INTS7: variants seen among roughly 807,000 people sequenced by gnomAD.
The protein encoded by INTS7 is integrator complex subunit 7.
In INTS7, 46 loss-of-function variants were observed where a neutral mutation model predicts 109.2. That is an observed-to-expected ratio of 0.42 (90% CI 0.33 to 0.54). The LOEUF is 0.54. Among genes scored for constraint, INTS7 ranks in the 20% least tolerant of loss-of-function variants. INTS7 has a pLI of 0.07. For synonymous variants in INTS7, 412 were observed against 402.9 expected, an observed-to-expected ratio of 1.02 and a Z score of -0.27; for missense variants, 929 against 1,132.4, an observed-to-expected ratio of 0.82 and a Z score of 2.58.
intron 8 of INTS7, among the ~76,000 whole-genome samples, chr1:211,984,762 A>G (rs1203234946): frequency 6.6e-6 from 1 of 152,142 alleles, no homozygotes; most frequent in African/African-American, 2.4e-5. Context: ...TAAATTTACA[A>G]GCACATTTAT....
chr1:212,013,653 ATGG>A (rs1666261947), intron 4 of INTS7, among the ~76,000 whole-genome samples: 1 of 152,198 alleles, frequency 6.6e-6, no homozygotes, highest in African/African-American at 2.4e-5. Context: ...AGCTCCATTC[ATGG>A]TAAGTGCCCT....
intron 1 of INTS7, among the ~76,000 whole-genome samples, chr1:212,028,135 G>T (rs77751131): frequency 0.033 from 5,032 of 152,210 alleles, 275 homozygotes; most frequent in African/African-American, 0.11. Flanking sequence ...CCAGCACCTA[G>T]ATTCTCAAGT....
Position 211,942,947 on chromosome 1 carries a change from T to A in INTS7, c.2602-836A>T, listed in dbSNP as rs988761505. ...TGCGTGTTTCTGTGGTGTAATTAAT[T>A]ATATAAATGTGCCCTGCAGCTTTGT... is the stretch of plus-strand genomic sequence containing the variant. On this transcript the variant is annotated intron_variant, in intron 19 of 19. Coordinates refer to ENST00000366994, the MANE Select transcript of INTS7 (RefSeq NM_015434.4). This position sits in a 1 kb window ranked among gnomAD's most constrained non-coding sequence, Gnocchi z 4.2. Among the ~76,000 whole-genome samples, 5 of 152,278 alleles carry A rather than the reference T, an allele frequency of 3.3e-5. No homozygotes were observed. Among genetic ancestry groups the A allele is most frequent in the Non-Finnish European group, 7.4e-5 (5 of 68,020 alleles).
chr1:211,953,628 C>A (rs1294585738), intron 16 of INTS7, among the ~76,000 whole-genome samples: 2 of 147,758 alleles, frequency 1.4e-5, no homozygotes, highest in East Asian at 4.1e-4. Flanking sequence ...TCAACTCCCA[C>A]CTATGAGTGA....
At chr1:211,977,485 C>G (rs1664470942) in intron 11 of INTS7, among the ~76,000 whole-genome samples, 1 of 152,200 alleles carries the variant, frequency 6.6e-6, no homozygotes. Context: ...ATTTGGTCAT[C>G]AAGGTAACCT....
chr1:211,966,176 T>C (rs1663869313), intron 16 of INTS7: 3 of 254,740 alleles, frequency 1.2e-5, no homozygotes, highest in Middle Eastern at 1.2e-3. Context: ...ATAATTATAA[T>C]ATACAAGAAG....
chr1:212,011,496 A>G (rs1283729834), intron 4 of INTS7, 75 bp from the exon 5 acceptor site: 77 of 925,958 alleles, frequency 8.3e-5, no homozygotes, highest in Non-Finnish European at 1.2e-4. Flanking sequence ...AAGAAATAAA[A>G]CACAATTAGC....
chr1:212,014,671 A>G (rs368394682), intron 4 of INTS7, among the ~76,000 whole-genome samples: 3,882 of 146,040 alleles, frequency 0.027, 53 homozygotes, highest in African/African-American at 0.048. Flanking sequence ...TCAGCCTGCC[A>G]AGTGCCTGGG....
intron 1 of INTS7, among the ~76,000 whole-genome samples, chr1:212,032,256 TG>T (rs1443936673): frequency 6.6e-6 from 1 of 152,228 alleles, no homozygotes; most frequent in Non-Finnish European, 1.5e-5. Context: ...TTCTTTTCCC[TG>T]GATTGTTATA....
chr1:211,946,393 G>C lies in INTS7; in HGVS notation c.2415+214C>G, dbSNP rs1662847761. Among the ~76,000 whole-genome samples the C allele has an allele frequency of 6.6e-6, 1 of 152,182 alleles. No homozygotes were observed. The highest frequency in any genetic ancestry group is 1.9e-4 in the East Asian group (1 of 5,200). On this transcript the variant is annotated intron_variant, in intron 18 of 19. Coordinates refer to ENST00000366994, the MANE Select transcript of INTS7 (RefSeq NM_015434.4). The surrounding 1 kb of genome is among the most constrained non-coding windows in gnomAD (Gnocchi z 4.3). ...AGTTCCTTGGGAGGCTGAGGCAGGA[G>C]AATCGCTTGAACCCGGAGGTTGCGG...
At chr1:211,948,310 G>A (rs752614113) in intron 17 of INTS7, among the ~76,000 whole-genome samples, 3 of 152,222 alleles carry the variant, frequency 2.0e-5, no homozygotes, top group Non-Finnish European at 1.5e-5. Flanking sequence ...CAGATTTAAA[G>A]ACACTGGTTC....
chr1:211,944,664 T>A, intron 19 of INTS7, 120 bp downstream of exon 19: 1 of 773,122 alleles, frequency 1.3e-6, no homozygotes. Flanking sequence ...TTAATTTATG[T>A]CCATCTGATC....
intron 4 of INTS7, among the ~76,000 whole-genome samples, chr1:212,013,913 A>T (rs1019879829): frequency 1.3e-5 from 2 of 152,114 alleles, no homozygotes; most frequent in Non-Finnish European, 2.9e-5. Context: ...CTAACAATGC[A>T]TTTCTCAGAA....
chr1:211,950,802 T>C (rs1028401113), intron 17 of INTS7, among the ~76,000 whole-genome samples: 2 of 152,212 alleles, frequency 1.3e-5, no homozygotes, highest in Non-Finnish European at 2.9e-5. Context: ...TGTCTTCTGC[T>C]GGGCAGAAAA....
intron 7 of INTS7, among the ~76,000 whole-genome samples, chr1:211,999,752 T>C (rs1276194508): frequency 2.0e-5 from 3 of 152,092 alleles, no homozygotes; most frequent in East Asian, 1.9e-4. Context: ...AAAATGAATA[T>C]ACCAAGGATT....
At chr1:211,954,610 C>A (rs1384522775) in intron 16 of INTS7, among the ~76,000 whole-genome samples, 1 of 152,348 alleles carries the variant, frequency 6.6e-6, no homozygotes, top group Admixed American at 6.5e-5. Context: ...CAGCTTTCTA[C>A]ATATGGCTAA....
chr1:211,961,812 T>C (rs1222137932), intron 16 of INTS7, among the ~76,000 whole-genome samples: 1 of 152,182 alleles, frequency 6.6e-6, no homozygotes, highest in Non-Finnish European at 1.5e-5. Flanking sequence ...AAAAATACTA[T>C]CTTTTTCAGA....
At chr1:211,985,009 T>C (rs1664834632) in intron 8 of INTS7, among the ~76,000 whole-genome samples, 1 of 152,196 alleles carries the variant, frequency 6.6e-6, no homozygotes, top group Non-Finnish European at 1.5e-5. Flanking sequence ...CTCAGAATAA[T>C]CTTGTATATA....
Position 212,028,201 on chromosome 1 carries a change from G to A in INTS7, c.95-6989C>T, listed in dbSNP as rs181490840. On this transcript the variant is annotated intron_variant, in intron 1 of 19. Transcript: ENST00000366994. ...TAGCCTGCCCACACTGATTATACTG[G>A]AGTTAGAAAACTACTAGGCTGCTGA... is the stretch of plus-strand genomic sequence containing the variant. Among the ~76,000 whole-genome samples, 163 of 152,222 alleles carry A rather than the reference G, an allele frequency of 1.1e-3. 1 individual carries two copies. The highest frequency in any genetic ancestry group is 3.5e-3 in the African/African-American group (147 of 41,542).
Sources: gnomAD v4.1 joint callset for allele counts (sites outside exome capture counted in the v4.1 genomes callset) on GRCh38, gnomAD v4.1.1 for gene constraint, Gnocchi (gnomAD v3.1) non-coding constraint, MANE v1.5 for transcripts, NCBI Gene and HGNC (gene_info 2026-07-23, HGNC 2026-07-21) for gene names.